Variants in MYBL1 observed in about 807,000 individuals in gnomAD.
MYBL1 encodes the protein MYB proto-oncogene like 1, also known as myb-related protein A.
Under a neutral mutation model 96.3 loss-of-function variants are expected in MYBL1, and 17 were observed. The observed-to-expected ratio is 0.18, with a 90% CI of 0.12 to 0.26. MYBL1 has a LOEUF of 0.26. MYBL1 is among the 10% of genes least tolerant of loss of function. The probability of loss-of-function intolerance (pLI) is 1.00; values close to 1 mark genes in which losing one functional copy is unlikely to be tolerated. For missense variants in MYBL1, 701 were observed against 882.9 expected, an observed-to-expected ratio of 0.79 and a Z score of 2.61; for synonymous variants, 282 against 292.7, an observed-to-expected ratio of 0.96 and a Z score of 0.37.
intron 10 of MYBL1, among the ~76,000 whole-genome samples, chr8:66,575,541 A>G (rs547755007): frequency 6.6e-6 from 1 of 152,352 alleles, no homozygotes; most frequent in Admixed American, 6.5e-5. Flanking sequence ...CTGTAATCCC[A>G]ACACTTTGGG....
At chr8:66,578,891 T>C (rs1190568985) in intron 9 of MYBL1, among the ~76,000 whole-genome samples, 1 of 152,174 alleles carries the variant, frequency 6.6e-6, no homozygotes, top group Non-Finnish European at 1.5e-5. Context: ...CATGGAATAC[T>C]ATGCAGCCAT....
At chr8:66,583,161 G>T (rs540077451) in intron 8 of MYBL1, among the ~76,000 whole-genome samples, 9 of 152,220 alleles carry the variant, frequency 5.9e-5, no homozygotes, top group African/African-American at 1.9e-4. Context: ...GGACCACAAT[G>T]AAATAAAACT....
chr8:66,572,275 G>A (rs1293142149), intron 12 of MYBL1, among the ~76,000 whole-genome samples: 4 of 150,736 alleles, frequency 2.7e-5, no homozygotes, highest in Non-Finnish European at 5.9e-5. Flanking sequence ...AGCTGAGATC[G>A]CGCCACTTCA....
At chr8:66,611,355 A>G (rs1181207639) in intron 1 of MYBL1, among the ~76,000 whole-genome samples, 1 of 152,188 alleles carries the variant, frequency 6.6e-6, no homozygotes, top group Admixed American at 6.5e-5. Context: ...GTACTTCGGC[A>G]ATCATAATTA....
chr8:66,602,725 ATATATATATTTTT>A (rs1810139265), intron 1 of MYBL1, among the ~76,000 whole-genome samples: 1 of 47,414 alleles, frequency 2.1e-5, no homozygotes, highest in African/African-American at 1.1e-4. Context: ...ATATATATAT[ATATATATATTTTT>A]TTTTTTTTTT....
intron 8 of MYBL1, among the ~76,000 whole-genome samples, chr8:66,591,031 T>C (rs1172967562): frequency 2.0e-5 from 3 of 152,150 alleles, no homozygotes; most frequent in Non-Finnish European, 4.4e-5. Context: ...ACCCCACGAA[T>C]ATGTACAATT....
At chr8:66,600,168 C>A (rs1170130919) in intron 3 of MYBL1, among the ~76,000 whole-genome samples, 1 of 152,156 alleles carries the variant, frequency 6.6e-6, no homozygotes, top group East Asian at 1.9e-4. Context: ...TTATTTTAGT[C>A]AGTCCAGAAC....
At chr8:66,600,655 T>C (rs969325879) in intron 3 of MYBL1, among the ~76,000 whole-genome samples, 5 of 152,198 alleles carry the variant, frequency 3.3e-5, no homozygotes, top group African/African-American at 9.6e-5. Flanking sequence ...TAAGTAATTT[T>C]TCCACGCTCA....
intron 9 of MYBL1, among the ~76,000 whole-genome samples, chr8:66,576,763 T>C (rs1326549488): frequency 6.6e-6 from 1 of 152,182 alleles, no homozygotes; most frequent in Non-Finnish European, 1.5e-5. Flanking sequence ...GTGTTAAAAA[T>C]GGTGATATAC....
chr8:66,603,253 C>T (rs571029161), intron 1 of MYBL1, among the ~76,000 whole-genome samples: 2 of 152,060 alleles, frequency 1.3e-5, no homozygotes, highest in African/African-American at 4.8e-5. Flanking sequence ...TGTGGTGAAA[C>T]TGAAAAAGAA....
chr8:66,609,452 T>C (rs553791507), intron 1 of MYBL1, among the ~76,000 whole-genome samples: 16 of 152,040 alleles, frequency 1.1e-4, no homozygotes, highest in African/African-American at 3.4e-4. Flanking sequence ...TATTATACAA[T>C]CTTGAGGACA....
In MYBL1 at chr8:66,578,402, T is replaced by C. The variant is rs1300839363; in HGVS notation, c.1101+1731A>G. Among the ~76,000 whole-genome samples the C allele has an allele frequency of 1.3e-4, 20 of 151,460 alleles. No homozygotes were observed. The South Asian group carries it at 1.5e-3, about 11-fold the overall frequency. On this transcript the variant is annotated intron_variant, in intron 9 of 15. Coordinates refer to ENST00000522677, the MANE Select transcript of MYBL1 (RefSeq NM_001080416.4). ...TTTACAAGAAAAAAACAAACAACCC[T>C]ATCAAAAAGTGGGCAAAGGATATCA...
Position 66,566,862 on chromosome 8 carries a change from T to C in MYBL1, c.1845+14A>G. 1 of 1,594,372 alleles carries C rather than the reference T, an allele frequency of 6.3e-7. No individual in the cohort carries two copies. The highest frequency in any genetic ancestry group is 8.6e-7 in the Non-Finnish European group (1 of 1,162,992). The stretch of plus-strand genomic sequence containing the variant: ...ACAATAAGACTTTTATTAACAATAA[T>C]ACTAGAAGATTACCTCTTGTTTGCA... On this transcript the variant is annotated intron_variant, in intron 13 of 15. Transcript: ENST00000522677.
chr8:66,565,852 T>TCAA (rs1422503155), intron 15 of MYBL1, among the ~76,000 whole-genome samples: 3 of 152,156 alleles, frequency 2.0e-5, no homozygotes, highest in Non-Finnish European at 4.4e-5. Flanking sequence ...AGACCAGTCT[T>TCAA]TGGTTACAGC....
intron 1 of MYBL1, 169 bp downstream of exon 1, chr8:66,612,650 C>T: frequency 1.4e-6 from 1 of 716,806 alleles, no homozygotes; most frequent in Non-Finnish European, 2.0e-6. Context: ...ACTCTCCACA[C>T]GTCGCAGCTG....
chr8:66,576,191 G>A lies in MYBL1; in HGVS notation c.1286C>T (p.Ala429Val). Residue 429 changes from alanine (A) to valine (V), a missense_variant, in exon 10 of 16, where the codon GCT (alanine) becomes GTT (valine). Transcript: ENST00000522677. ...KNTCNGGNSE[A>V]VPLTSPNIAK... is the part of the protein sequence containing the mutation. ...TATATTTGGGGATGTTAAAGGAACAGCTTCACTGTTGCCACCATTACAAGT... is the reference window on the plus strand; with the variant it reads ...TATATTTGGGGATGTTAAAGGAACAACTTCACTGTTGCCACCATTACAAGT... The A allele has an allele frequency of 6.2e-7, 1 of 1,613,988 alleles. No individual in the cohort carries two copies. Among genetic ancestry groups the A allele is most frequent in the South Asian group, 1.1e-5 (1 of 91,088 alleles).
intron 8 of MYBL1, among the ~76,000 whole-genome samples, chr8:66,587,257 T>A (rs965303101): frequency 1.3e-4 from 20 of 152,282 alleles, no homozygotes; most frequent in Non-Finnish European, 2.8e-4. Flanking sequence ...GTGATGGATA[T>A]GCTAATTACC....
At chr8:66,584,773 A>G (rs1414479326) in intron 8 of MYBL1, among the ~76,000 whole-genome samples, 1 of 152,166 alleles carries the variant, frequency 6.6e-6, no homozygotes, top group Admixed American at 6.6e-5. Context: ...GAAATCAAGA[A>G]AGCAATGCCA....
chr8:66,612,709 C>CCT, intron 1 of MYBL1, 110 bp downstream of exon 1: 1 of 1,248,980 alleles, frequency 8.0e-7, no homozygotes, highest in Non-Finnish European at 1.0e-6. Context: ...GGAAGAAAAA[C>CCT]CTCTGCCCTC....
Sources: gnomAD v4.1 joint callset for allele counts (sites outside exome capture counted in the v4.1 genomes callset) on GRCh38, gnomAD v4.1.1 for gene constraint, MANE v1.5 for transcripts, NCBI Gene and HGNC (gene_info 2026-07-23, HGNC 2026-07-21) for gene names.